The following BEST1 variants were observed in gnomAD, a reference collection of about 807,000 sequenced individuals.
The protein encoded by BEST1 is bestrophin 1, also known as bestrophin-1.
BEST1 carries 58 observed loss-of-function variants against 63.3 expected under a neutral mutation model. The ratio of observed to expected loss-of-function variants is 0.92; its 90% CI spans 0.74 to 1.14. The LOEUF is 1.14. BEST1 is among the 50% of genes most tolerant of loss of function. The pLI is 0.00. For missense variants in BEST1, 671 were observed against 740.1 expected (o/e 0.91, Z 1.08); for synonymous variants, 283 against 291.6 (o/e 0.97, Z 0.30).
chr11:61,964,032 A>C, intron 10 of BEST1, 72 bp from the exon 11 acceptor site: 1 of 1,606,594 alleles, frequency 6.2e-7, no homozygotes, highest in Non-Finnish European at 8.5e-7. Flanking sequence ...TTGCCCTCCT[A>C]CTGCAACATT....
chr11:61,950,876 T>G (rs1179575815), intron 1 of BEST1, among the ~76,000 whole-genome samples: 2 of 152,140 alleles, frequency 1.3e-5, no homozygotes, highest in Non-Finnish European at 2.9e-5. Context: ...GGAACATCCT[T>G]TCTAAAGGGA....
downstream of BEST1, chr11:61,965,288 G>T: frequency 6.3e-7 from 1 of 1,597,540 alleles, no homozygotes; most frequent in Non-Finnish European, 8.6e-7. Context: ...CTTTATAAGG[G>T]CAATTGCTAG....
At chr11:61,965,136 T>A (rs1252498813), downstream of BEST1, 1 of 1,602,752 alleles carries the variant, frequency 6.2e-7, no homozygotes, top group South Asian at 1.1e-5. Context: ...GGTTAATGCA[T>A]CTCTACCAAC....
In BEST1 at chr11:61,964,123, C is replaced by T. The variant is rs1383705353; in HGVS notation, c.*1C>T. On this transcript the variant is annotated 3_prime_UTR_variant, in exon 11 of 11. Coordinates refer to ENST00000378043, the MANE Select transcript of BEST1 (RefSeq NM_004183.4). ...CACTAGGGATGAAGCACATTCCTAA[C>T]CTGCTTCCTAATGGGGATGCTTCGC... 5 of 1,614,008 alleles carry T rather than the reference C, an allele frequency of 3.1e-6. No individual in the cohort carries two copies. Among genetic ancestry groups the T allele is most frequent in the Non-Finnish European group, 3.4e-6 (4 of 1,180,010 alleles).
At chr11:61,953,762 G>A (rs2524294) in intron 2 of BEST1, among the ~76,000 whole-genome samples, 72,616 of 151,720 alleles carry the variant, frequency 0.48, 19,922 homozygotes, top group East Asian at 0.91. Context: ...TATGCCTGTA[G>A]TCCCACCCAG....
chr11:61,960,451 A>C, intron 9 of BEST1: 2 of 223,690 alleles, frequency 8.9e-6, no homozygotes, highest in Non-Finnish European at 9.2e-6. Flanking sequence ...GCTCACTGCA[A>C]CCTCCGCCTC....
intron 6 of BEST1, among the ~76,000 whole-genome samples, chr11:61,957,834 T>G (rs942833107): frequency 2.0e-5 from 3 of 152,024 alleles, no homozygotes; most frequent in Non-Finnish European, 4.4e-5. Context: ...GAATTAGCTG[T>G]GTGGTGGTGC....
intron 6 of BEST1, 78 bp from the exon 7 acceptor site, chr11:61,958,068 G>A: frequency 1.9e-5 from 31 of 1,608,190 alleles, no homozygotes; most frequent in Non-Finnish European, 2.6e-5. Flanking sequence ...TCCTGTCTCA[G>A]ACTCCCAGCC....
At position 61,956,853 on chromosome 11, in the gene BEST1, C is replaced by T; in HGVS notation, c.491C>T (p.Thr164Ile). The change falls in exon 5 of 11, where the codon ACT becomes ATT. Residue 164 changes from threonine to isoleucine, a missense_variant. By Grantham distance (89) the Thr-to-Ile change is moderately conservative (BLOSUM62 -1). Transcript: ENST00000378043. Reference protein sequence around the residue: ...AQHLVQAGFMTPAEHKQLEKL... With the variant: ...AQHLVQAGFMIPAEHKQLEKL... ...TCACTCCACTCTGCAGGCTTTATGACTCCGGCAGAACACAAGCAGTTGGAG... is the reference window on the plus strand; with the variant it reads ...TCACTCCACTCTGCAGGCTTTATGATTCCGGCAGAACACAAGCAGTTGGAG... 1.2e-6 allele frequency: 2 copies of T among 1,614,154 alleles called. No individual in the cohort carries two copies.
intron 7 of BEST1, 49 bp downstream of exon 7, chr11:61,958,347 C>A (rs572374463): frequency 1.2e-5 from 19 of 1,613,700 alleles, no homozygotes; most frequent in Middle Eastern, 1.6e-4. Context: ...CCAGAGGGGT[C>A]ATGGCCAGCA....
At chr11:61,957,035 G>A in intron 5 of BEST1, 37 bp downstream of exon 5, 2 of 1,613,712 alleles carry the variant, frequency 1.2e-6, no homozygotes, top group Non-Finnish European at 8.5e-7. Context: ...CCGCAGAGTG[G>A]GAAGGGCTGT....
At chr11:61,958,437 G>C (rs1591296508) in intron 7 of BEST1, 139 bp downstream of exon 7, 4 of 1,545,370 alleles carry the variant, frequency 2.6e-6, no homozygotes, top group East Asian at 4.8e-5. Context: ...GCGCACACCT[G>C]TAATCCCAGC....
In BEST1 at chr11:61,962,811, A is replaced by C. The variant is rs775113722; in HGVS notation, c.1657A>C (p.Lys553Gln). 17 of 1,614,192 alleles carry C rather than the reference A, an allele frequency of 1.1e-5. No individual in the cohort carries two copies. In the South Asian group the frequency reaches 1.9e-4, roughly 18 times the overall value. ...GCCAGAGATCCCCGAAAATCACCTC[A>C]AAGAACCTTTGGAACAATCACCAAC... ...DMPEIPENHL[K>Q]EPLEQSPTNI... is the part of the protein sequence containing the mutation. Residue 553 changes from lysine to glutamine, a missense_variant, in exon 10 of 11, where the codon AAA becomes CAA. Physicochemically the swap from Lys to Gln is moderately conservative, Grantham distance 53. Transcript: ENST00000378043.
chr11:61,958,394 G>T, intron 7 of BEST1, 96 bp downstream of exon 7: 1 of 1,593,320 alleles, frequency 6.3e-7, no homozygotes, highest in Non-Finnish European at 8.5e-7. Flanking sequence ...AGGAAAGGAA[G>T]GTCTCACGGG....
At chr11:61,959,391 G>A in intron 7 of BEST1, 107 bp from the exon 8 acceptor site, 1 of 1,088,218 alleles carries the variant, frequency 9.2e-7, no homozygotes, top group Non-Finnish European at 1.4e-6. Context: ...TGGTCAGGCA[G>A]GAAGGGCGTC....
chr11:61,955,050 A>G, intron 2 of BEST1, 57 bp from the exon 3 acceptor site: 1 of 1,608,158 alleles, frequency 6.2e-7, no homozygotes, highest in South Asian at 1.1e-5. Context: ...ACCTGGGGAC[A>G]GTCTCAGCCA....
intron 9 of BEST1, chr11:61,962,040 G>A: frequency 1.7e-6 from 1 of 603,478 alleles, no homozygotes; most frequent in Non-Finnish European, 2.9e-6. Flanking sequence ...TGGTCAAGAG[G>A]GAATCAACAA....
chr11:61,958,403 G>A (rs777354931), intron 7 of BEST1, 105 bp downstream of exon 7: 3 of 1,585,482 alleles, frequency 1.9e-6, no homozygotes, highest in South Asian at 2.3e-5. Context: ...AGGTCTCACG[G>A]GTAGAAAGCA....
intron 3 of BEST1, chr11:61,955,407 G>T: frequency 6.9e-7 from 1 of 1,440,740 alleles, no homozygotes; most frequent in Non-Finnish European, 9.1e-7. Context: ...CCTGCCGTTA[G>T]CAATGAAAAC....
Sources: gnomAD v4.1 joint callset for allele counts (sites outside exome capture counted in the v4.1 genomes callset) on GRCh38, gnomAD v4.1.1 for gene constraint, MANE v1.5 for transcripts, NCBI Gene and HGNC (gene_info 2026-07-23, HGNC 2026-07-21) for gene names.